WWOX: variants seen among roughly 807,000 people sequenced by gnomAD.
The protein encoded by WWOX is WW domain containing oxidoreductase.
WWOX carries 69 observed loss-of-function variants against 46.2 expected under a neutral mutation model. The ratio of observed to expected loss-of-function variants is 1.49; its 90% CI spans 1.23 to 1.82. The LOEUF (loss-of-function observed/expected upper bound fraction) is 1.82. Ranked by LOEUF, WWOX falls within the 40% of genes most tolerant of loss-of-function variation. The pLI is 0.00. For synonymous variants in WWOX, 359 were observed against 202.6 expected (o/e 1.77, Z -6.56); for missense variants, 919 against 542.6 (o/e 1.69, Z -6.89).
intron 8 of WWOX, among the ~76,000 whole-genome samples, chr16:78,683,966 T>C (rs1462755510): frequency 3.3e-5 from 5 of 152,218 alleles, no homozygotes; most frequent in Non-Finnish European, 5.9e-5. Flanking sequence ...AACTGTCTCT[T>C]GCGATCCCCT....
intron 8 of WWOX, among the ~76,000 whole-genome samples, chr16:78,681,731 C>T (rs531434511): frequency 6.6e-6 from 1 of 152,306 alleles, no homozygotes; most frequent in East Asian, 1.9e-4. Context: ...GTGAATGGGA[C>T]AGTTTCCAAT....
chr16:79,153,044 A>AGAGC (rs1192098599), intron 8 of WWOX, among the ~76,000 whole-genome samples: 3 of 152,222 alleles, frequency 2.0e-5, no homozygotes, highest in African/African-American at 7.2e-5. Context: ...GGAGACCTGC[A>AGAGC]GAGCGAGCGG....
intron 8 of WWOX, among the ~76,000 whole-genome samples, chr16:78,917,433 G>T (rs913214771): frequency 1.3e-5 from 2 of 151,974 alleles, no homozygotes; most frequent in African/African-American, 4.8e-5. Flanking sequence ...TGTAGGAACT[G>T]AGCAAGGTTC....
intron 8 of WWOX, among the ~76,000 whole-genome samples, chr16:78,982,512 T>A (rs1716554618): frequency 1.3e-5 from 2 of 152,170 alleles, no homozygotes; most frequent in African/African-American, 4.8e-5. Flanking sequence ...TGTGTATGTA[T>A]CTTTAGACTT....
chr16:78,748,952 CG>C (rs2049414044), intron 8 of WWOX, among the ~76,000 whole-genome samples: 4 of 152,172 alleles, frequency 2.6e-5, no homozygotes, highest in Admixed American at 2.6e-4. Flanking sequence ...TCTTTATGCC[CG>C]TAGGGCCGTG....
At chr16:78,152,108 T>A (rs889418289) in intron 4 of WWOX, among the ~76,000 whole-genome samples, 8 of 151,366 alleles carry the variant, frequency 5.3e-5, no homozygotes, top group South Asian at 2.1e-4. Flanking sequence ...GAGAGTGGCG[T>A]GAACCCGGGA....
chr16:78,552,754 C>T (rs865974965), intron 8 of WWOX: 2 of 152,230 alleles, frequency 1.3e-5, no homozygotes, highest in African/African-American at 4.8e-5. Context: ...ATTCTTTATT[C>T]CTTCTTCATT....
In WWOX at chr16:78,572,921, T is replaced by G. The variant is rs574381125; in HGVS notation, c.1056+140169T>G. Among the ~76,000 whole-genome samples, 5 of 152,306 alleles carry G rather than the reference T, an allele frequency of 3.3e-5. No individual in the cohort carries two copies. The East Asian group carries it at 9.7e-4, about 29-fold the overall frequency. On this transcript the variant is annotated intron_variant, in intron 8 of 8. Coordinates refer to ENST00000566780, the MANE Select transcript of WWOX (RefSeq NM_016373.4). ...ATATGTTATTAAAGTGTACACACAT[T>G]GCTTATGTGAAGTCTTGTTATATGT...
At chr16:78,648,484 A>G (rs75530233) in intron 8 of WWOX, among the ~76,000 whole-genome samples, 7,713 of 152,282 alleles carry the variant, frequency 0.051, 303 homozygotes, top group South Asian at 0.17. Flanking sequence ...CACATGGACA[A>G]TGGCCAGACC....
At chr16:78,259,277 A>G (rs1029936367) in intron 5 of WWOX, among the ~76,000 whole-genome samples, 1 of 152,226 alleles carries the variant, frequency 6.6e-6, no homozygotes, top group Non-Finnish European at 1.5e-5. Flanking sequence ...GTTTAAAGTT[A>G]TTAGCAGAGA....
intron 8 of WWOX, among the ~76,000 whole-genome samples, chr16:78,919,087 A>G (rs149294107): frequency 1.5e-3 from 223 of 152,252 alleles, no homozygotes; most frequent in Non-Finnish European, 2.3e-3. Flanking sequence ...CCTCATTTCC[A>G]ATTGAAATTA....
intron 8 of WWOX, among the ~76,000 whole-genome samples, chr16:78,491,803 A>G (rs906831388): frequency 6.6e-6 from 1 of 152,184 alleles, no homozygotes; most frequent in Non-Finnish European, 1.5e-5. Context: ...AGTCATTTTA[A>G]ATAACTATCA....
chr16:78,461,631 G>A (rs899192209), intron 8 of WWOX, among the ~76,000 whole-genome samples: 7 of 152,200 alleles, frequency 4.6e-5, no homozygotes, highest in Admixed American at 3.9e-4. Flanking sequence ...CACAATCACA[G>A]ACATGCACAG....
At chr16:78,565,408 C>G (rs190463607) in intron 8 of WWOX, among the ~76,000 whole-genome samples, 1 of 152,186 alleles carries the variant, frequency 6.6e-6, no homozygotes, top group Non-Finnish European at 1.5e-5. Context: ...TCCTGCATTC[C>G]TTGGCTCTTG....
chr16:78,427,031 C>A (rs3935135), intron 7 of WWOX, among the ~76,000 whole-genome samples: 1,765 of 152,246 alleles, frequency 0.012, 28 homozygotes, highest in African/African-American at 0.04. Context: ...GTATTACCTT[C>A]GCATTGCATC....
intron 8 of WWOX, among the ~76,000 whole-genome samples, chr16:79,067,905 C>T (rs927432016): frequency 6.6e-5 from 10 of 152,252 alleles, no homozygotes; most frequent in Middle Eastern, 3.4e-3. Flanking sequence ...CCTGAGAGGG[C>T]GTCTCCTGGG....
chr16:78,320,816 A>G (rs891654863), intron 5 of WWOX, among the ~76,000 whole-genome samples: 1 of 152,190 alleles, frequency 6.6e-6, no homozygotes, highest in East Asian at 1.9e-4. Context: ...CTTTGACATC[A>G]TCTCATCTGT....
chr16:78,605,159 G>A (rs889924019), intron 8 of WWOX, among the ~76,000 whole-genome samples: 1 of 150,514 alleles, frequency 6.6e-6, no homozygotes, highest in Non-Finnish European at 1.5e-5. Flanking sequence ...GACCTTCAAA[G>A]TCTAGGAATG....
At position 78,791,120 on chromosome 16, in the gene WWOX, G is replaced by C. The variant is rs374198278; in HGVS notation, c.1056+358368G>C. Among the ~76,000 whole-genome samples, 11 of 152,192 alleles carry C rather than the reference G, an allele frequency of 7.2e-5. No individual in the cohort carries two copies. In the East Asian group the frequency reaches 1.9e-3, roughly 27 times the overall value. ...CCCTGAAGGAAGGGCAGGGAAGAAG[G>C]GGGTTGGAGGTCAGTGGGAGGAATA... On this transcript the variant is annotated intron_variant, in intron 8 of 8. Transcript: ENST00000566780.
Sources: allele counts gnomAD v4.1 joint callset (sites outside exome capture counted in the v4.1 genomes callset), GRCh38; gene constraint gnomAD v4.1.1; transcripts MANE v1.5; gene names NCBI Gene and HGNC (gene_info 2026-07-23, HGNC 2026-07-21).